Variants in ITFG2 observed in about 807,000 individuals in gnomAD.
ITFG2 encodes the protein integrin alpha FG-GAP repeat containing 2.
A neutral mutation model predicts 54.4 loss-of-function variants in ITFG2; 36 were observed. The observed-to-expected ratio is 0.66, with a 90% CI of 0.51 to 0.87. The LOEUF (loss-of-function observed/expected upper bound fraction) is 0.87, where lower values mean the gene tolerates loss of function less well. ITFG2 is among the 40% of genes least tolerant of loss of function. The probability of loss-of-function intolerance (pLI) is 0.00; values close to 1 mark genes in which losing one functional copy is unlikely to be tolerated. For synonymous variants in ITFG2, 211 were observed against 225.4 expected (o/e 0.94, Z 0.57); for missense variants, 524 against 576.7 (o/e 0.91, Z 0.94).
rs2097944747 is a variant in ITFG2, at chr12:2,821,600, A to T, written c.847+4A>T. ...TTTGCCCTGTGCACCCTGGATGGTG[A>T]GCAATGCTAGGATGGGGTGTGGGGG... On this transcript the variant is annotated splice_donor_region_variant and intron_variant, in intron 8 of 11. Coordinates refer to ENST00000228799, the MANE Select transcript of ITFG2 (RefSeq NM_018463.4). 2.5e-6 allele frequency: 4 copies of T among 1,614,060 alleles called. No homozygotes were observed. In the East Asian group the frequency reaches 8.9e-5, roughly 36 times the overall value.
At chr12:2,813,733 A>G (rs1256946686) in intron 1 of ITFG2, among the ~76,000 whole-genome samples, 1 of 151,980 alleles carries the variant, frequency 6.6e-6, no homozygotes, top group Non-Finnish European at 1.5e-5. Flanking sequence ...TCCCTGCTTC[A>G]CAGTTCCTTA....
At position 2,820,066 on chromosome 12, in the gene ITFG2, C is replaced by G. The variant is rs917881724; in HGVS notation, c.407-20C>G. The G allele has an allele frequency of 1.3e-6, 2 of 1,595,116 alleles. No individual in the cohort carries two copies. The highest frequency in any genetic ancestry group is 2.7e-5 in the African/African-American group (2 of 74,440). On this transcript the variant is annotated intron_variant, in intron 4 of 11. Transcript: ENST00000228799. ...CTGCTCGTGGGACTCCAGAGCCCAT[C>G]TTGTCTTTCATGCCCACAGATGGAG...
At chr12:2,844,616 G>A (rs187361977) in intron 2 of ITFG2, among the ~76,000 whole-genome samples, 2 of 152,060 alleles carry the variant, frequency 1.3e-5, no homozygotes, top group Non-Finnish European at 2.9e-5. Context: ...GTATCTCCAA[G>A]GTGGAAATCA....
chr12:2,835,159 ATGTGTGTGTGTGTG>A (rs375198605), upstream of ITFG2: 16 of 1,127,470 alleles, frequency 1.4e-5, no homozygotes, highest in African/African-American at 1.9e-5. Context: ...GATGGGGCGT[ATGTGTGTGTGTGTG>A]TGTGTGTGTG....
At chr12:2,823,280 C>T (rs1017698460) in intron 10 of ITFG2, among the ~76,000 whole-genome samples, 2 of 152,186 alleles carry the variant, frequency 1.3e-5, no homozygotes, top group African/African-American at 2.4e-5. Context: ...TTCTTTTCCA[C>T]CTCAGCATGC....
At chr12:2,827,975 C>T (rs1181772526), downstream of ITFG2, 8 of 1,614,108 alleles carry the variant, frequency 5.0e-6, no homozygotes, top group Non-Finnish European at 5.9e-6. The surrounding 1 kb of genome is among the most constrained non-coding windows in gnomAD (Gnocchi z 4.0). Context: ...GCTGTAGCTC[C>T]AACTGCTCCA....
At chr12:2,858,820 A>C (rs781663757) in intron 3 of ITFG2, 2 of 1,614,106 alleles carry the variant, frequency 1.2e-6, no homozygotes, top group Non-Finnish European at 1.7e-6. Flanking sequence ...GGCTCCGGGG[A>C]GCCTGGCTTG....
At chr12:2,836,051 G>A (rs574067661), upstream of ITFG2, among the ~76,000 whole-genome samples, 3 of 152,222 alleles carry the variant, frequency 2.0e-5, no homozygotes, top group South Asian at 4.1e-4. Context: ...TCATTTTTAG[G>A]TCTAACAAAC....
rs940325020 is a variant in ITFG2 at position 2,824,202 on chromosome 12, G to T, written c.*9G>T. 1.9e-6 allele frequency: 3 copies of T among 1,612,708 alleles called. No individual in the cohort carries two copies. Among genetic ancestry groups the T allele is most frequent in the Non-Finnish European group, 1.7e-6 (2 of 1,178,714 alleles). On this transcript the variant is annotated 3_prime_UTR_variant, in exon 12 of 12. Coordinates refer to ENST00000228799, the MANE Select transcript of ITFG2 (RefSeq NM_018463.4). ...TCCAGGATCCCACCTAGCTGTACTT[G>T]CCTCATAGCTGGTGAAGGATTCTTC... is the stretch of plus-strand genomic sequence containing the variant.
intron 3 of ITFG2, chr12:2,858,949 T>C: frequency 6.2e-7 from 1 of 1,613,530 alleles, no homozygotes; most frequent in Non-Finnish European, 8.5e-7. Flanking sequence ...AAGGGAGTGG[T>C]GCTGAGATCC....
intron 6 of ITFG2, 56 bp from the exon 7 acceptor site, chr12:2,821,206 C>T (rs956261695): frequency 7.3e-6 from 10 of 1,375,242 alleles, no homozygotes; most frequent in African/African-American, 1.4e-5. Context: ...TTACAAAGGG[C>T]TGGAGAGCTC....
intron 1 of ITFG2, among the ~76,000 whole-genome samples, chr12:2,813,917 G>A (rs1326319310): frequency 1.3e-5 from 2 of 152,130 alleles, no homozygotes; most frequent in Non-Finnish European, 2.9e-5. Flanking sequence ...CCAATTTTAT[G>A]AGAAAATTAG....
At chr12:2,854,318 C>T (rs1428418913) in intron 2 of ITFG2, among the ~76,000 whole-genome samples, 1 of 152,228 alleles carries the variant, frequency 6.6e-6, no homozygotes, top group Non-Finnish European at 1.5e-5. Flanking sequence ...AGCCACCACG[C>T]CCTGCCATAA....
upstream of ITFG2, chr12:2,836,791 T>C (rs1447144647): frequency 6.6e-6 from 1 of 152,188 alleles, no homozygotes. Context: ...GAACGCCACG[T>C]GAAGGCTGAG....
chr12:2,813,030 T>G, intron 1 of ITFG2, 174 bp downstream of exon 1: 1 of 530,698 alleles, frequency 1.9e-6, no homozygotes, highest in Non-Finnish European at 3.4e-6. Context: ...GTTGGTTTTG[T>G]TCCTTGGGAG....
chr12:2,822,261 G>A (rs542791137), intron 9 of ITFG2, among the ~76,000 whole-genome samples: 1 of 152,300 alleles, frequency 6.6e-6, no homozygotes, highest in African/African-American at 2.4e-5. Context: ...TCTGAAGCGA[G>A]TTTGTTTCCT....
downstream of ITFG2, among the ~76,000 whole-genome samples, chr12:2,831,477 G>A (rs1053270257): frequency 7.9e-5 from 12 of 151,830 alleles, no homozygotes; most frequent in Admixed American, 1.3e-4. Flanking sequence ...CCAGCTACTC[G>A]GGAGGCTGAA....
chr12:2,829,899 G>A (rs1043364318), downstream of ITFG2, among the ~76,000 whole-genome samples: 1 of 152,030 alleles, frequency 6.6e-6, no homozygotes, highest in Admixed American at 6.6e-5. Flanking sequence ...CCAACCTGGA[G>A]AAACCCCATC....
downstream of ITFG2, chr12:2,828,380 G>C (rs1416882721): frequency 3.1e-6 from 5 of 1,614,030 alleles, no homozygotes; most frequent in African/African-American, 1.3e-5. Flanking sequence ...TTGGGTGCCT[G>C]TGTCAACGGC....
Sources: allele counts gnomAD v4.1 joint callset (sites outside exome capture counted in the v4.1 genomes callset), GRCh38; gene constraint gnomAD v4.1.1; non-coding constraint Gnocchi (gnomAD v3.1); transcripts MANE v1.5; gene names NCBI Gene and HGNC (gene_info 2026-07-23, HGNC 2026-07-21).